ARHGAP32: variants seen among roughly 807,000 people sequenced by gnomAD.
ARHGAP32 encodes rho GTPase-activating protein 32.
Under a neutral mutation model 186.5 loss-of-function variants are expected in ARHGAP32, and 51 were observed. That is an observed-to-expected ratio of 0.27 (90% CI 0.22 to 0.35). The LOEUF is 0.35. Among genes scored for constraint, ARHGAP32 ranks in the 10% least tolerant of loss-of-function variants. The pLI is 1.00. For missense variants in ARHGAP32, 2,186 were observed against 2,623.5 expected (o/e 0.83, Z 3.64); for synonymous variants, 950 against 964.3 (o/e 0.99, Z 0.27).
At chr11:129,200,347 C>T (rs1944442551) in intron 1 of ARHGAP32, among the ~76,000 whole-genome samples, 1 of 152,120 alleles carries the variant, frequency 6.6e-6, no homozygotes. Flanking sequence ...TATTGTAACT[C>T]CCATAGTTCC....
chr11:129,254,259 G>A (rs1945226270), intron 1 of ARHGAP32, among the ~76,000 whole-genome samples: 1 of 151,962 alleles, frequency 6.6e-6, no homozygotes, highest in Admixed American at 6.6e-5. Context: ...CCCAAAGTTA[G>A]TATAGGGATC....
At chr11:128,978,629 G>A (rs908396713) in intron 19 of ARHGAP32, 141 bp downstream of exon 19, 2 of 624,810 alleles carry the variant, frequency 3.2e-6, no homozygotes, top group East Asian at 3.3e-5. Context: ...ATAAAGAATC[G>A]GTGAGAGAAG....
intron 11 of ARHGAP32, among the ~76,000 whole-genome samples, chr11:129,029,505 T>C (rs1223193639): frequency 1.3e-5 from 2 of 152,052 alleles, no homozygotes; most frequent in African/African-American, 2.4e-5. Context: ...TTGCTCCATT[T>C]GTTAAAAAAG....
At position 129,103,566 on chromosome 11, in the gene ARHGAP32, TA is replaced by T. The variant is rs1459147089; in HGVS notation, c.445-9860del. On this transcript the variant is annotated intron_variant, in intron 5 of 22. Coordinates refer to ENST00000682385, the MANE Select transcript of ARHGAP32 (RefSeq NM_001378024.1). The stretch of plus-strand genomic sequence containing the variant: ...TCAAGAAACTCAGTGCACCCCAAAC[TA>T]AATGAATAAATCAGTACTAAACATA... 2.0e-5 allele frequency among the ~76,000 whole-genome samples: 3 copies of T among 151,866 alleles called. No individual in the cohort carries two copies. The East Asian group carries it at 5.8e-4, about 29-fold the overall frequency.
intron 10 of ARHGAP32, among the ~76,000 whole-genome samples, chr11:129,060,368 G>C (rs973375110): frequency 2.7e-5 from 4 of 145,806 alleles, no homozygotes; most frequent in Non-Finnish European, 6.1e-5. Context: ...TAGATAGATA[G>C]ATAGATAGAT....
At chr11:129,250,060 A>G (rs1225128904) in intron 1 of ARHGAP32, among the ~76,000 whole-genome samples, 1 of 152,012 alleles carries the variant, frequency 6.6e-6, no homozygotes, top group African/African-American at 2.4e-5. Flanking sequence ...CAAAAAAAAA[A>G]AAATTAATTA....
At chr11:129,236,314 T>TTCC (rs1944934303) in intron 1 of ARHGAP32, among the ~76,000 whole-genome samples, 1 of 152,220 alleles carries the variant, frequency 6.6e-6, no homozygotes, top group Admixed American at 6.5e-5. Context: ...ATTTCTCTGA[T>TTCC]AATCAGTGAT....
At chr11:129,225,388 A>C (rs976921445) in intron 1 of ARHGAP32, among the ~76,000 whole-genome samples, 1 of 152,158 alleles carries the variant, frequency 6.6e-6, no homozygotes. Context: ...GTGATGGCTA[A>C]GCAAAGTTAT....
intron 5 of ARHGAP32, among the ~76,000 whole-genome samples, chr11:129,114,945 A>C (rs1942322992): frequency 6.6e-6 from 1 of 152,152 alleles, no homozygotes; most frequent in South Asian, 2.1e-4. Context: ...AGCATAGAGC[A>C]GGGTAAAAAT....
At chr11:129,197,928 G>T (rs564622408) in intron 1 of ARHGAP32, among the ~76,000 whole-genome samples, 1 of 152,032 alleles carries the variant, frequency 6.6e-6, no homozygotes, top group South Asian at 2.1e-4. Context: ...ATTCACAATG[G>T]TATCTAAAGA....
chr11:129,088,442 C>T (rs1027520085), intron 6 of ARHGAP32, among the ~76,000 whole-genome samples: 1 of 151,988 alleles, frequency 6.6e-6, no homozygotes, highest in East Asian at 1.9e-4. Context: ...TAGCTGGGCA[C>T]TGTGGCATGT....
intron 1 of ARHGAP32, among the ~76,000 whole-genome samples, chr11:129,238,310 T>C (rs1038164507): frequency 5.3e-5 from 8 of 152,154 alleles, no homozygotes; most frequent in African/African-American, 1.9e-4. Flanking sequence ...TTAACCCACA[T>C]AAATGGTGCT....
intron 1 of ARHGAP32, among the ~76,000 whole-genome samples, chr11:129,207,187 C>T (rs1300717610): frequency 1.3e-5 from 2 of 152,252 alleles, no homozygotes; most frequent in East Asian, 3.9e-4. Flanking sequence ...CAAGTCTTTG[C>T]TATTGTGAAC....
intron 11 of ARHGAP32, among the ~76,000 whole-genome samples, chr11:129,019,519 A>C (rs1938503451): frequency 6.6e-6 from 1 of 152,166 alleles, no homozygotes; most frequent in Non-Finnish European, 1.5e-5. Context: ...ATTATCTCCC[A>C]TCACATTCTG....
At chr11:129,162,002 T>C (rs569856844) in intron 2 of ARHGAP32, among the ~76,000 whole-genome samples, 9 of 152,280 alleles carry the variant, frequency 5.9e-5, no homozygotes, top group African/African-American at 1.2e-4. Context: ...TGCAGGGACA[T>C]GGATGATGCT....
chr11:128,993,998 A>G (rs1204080655), intron 12 of ARHGAP32, among the ~76,000 whole-genome samples: 1 of 152,086 alleles, frequency 6.6e-6, no homozygotes, highest in African/African-American at 2.4e-5. Flanking sequence ...TTAACCTGCT[A>G]TTTTTCAGAA....
rs552856918 is a variant in ARHGAP32 at position 128,970,960 on chromosome 11, G to T, written c.4253C>A (p.Ala1418Glu). 6.2e-7 allele frequency: 1 copy of T among 1,613,792 alleles called. No individual in the cohort carries two copies. Among genetic ancestry groups the T allele is most frequent in the Non-Finnish European group, 8.5e-7 (1 of 1,179,984 alleles). ...TGGTGCAGGAAAGCCACAGGGATGC[G>T]CAGGGACAGACTCGGCGCGCAGGTG... is the stretch of plus-strand genomic sequence containing the variant. ...LLHLRAESVP[A>E]HPCGFPAPLP... The change falls in exon 23 of 23, where the codon GCG (alanine) becomes GAG (glutamate). Residue 1418 changes from alanine (A) to glutamate (E), a missense_variant. By Grantham distance (107) the Ala-to-Glu change is moderately radical. Coordinates refer to ENST00000682385, the MANE Select transcript of ARHGAP32 (RefSeq NM_001378024.1). The surrounding 1 kb of genome is among the most constrained non-coding windows in gnomAD (Gnocchi z 5.8).
intron 13 of ARHGAP32, 37 bp from the exon 14 acceptor site, chr11:128,986,705 T>A (rs1239229487): frequency 6.2e-7 from 1 of 1,606,116 alleles, no homozygotes; most frequent in Admixed American, 1.7e-5. Context: ...AATCATTTGA[T>A]TGAGGAGAGC....
At chr11:129,142,041 T>A (rs1591646994) in intron 2 of ARHGAP32, among the ~76,000 whole-genome samples, 1 of 148,486 alleles carries the variant, frequency 6.7e-6, no homozygotes, top group East Asian at 1.9e-4. Flanking sequence ...AGAACAAGAA[T>A]AAAAATGCTT....
Sources: allele counts gnomAD v4.1 joint callset (sites outside exome capture counted in the v4.1 genomes callset), GRCh38; gene constraint gnomAD v4.1.1; non-coding constraint Gnocchi (gnomAD v3.1); transcripts MANE v1.5; gene names NCBI Gene and HGNC (gene_info 2026-07-23, HGNC 2026-07-21).